The following USH2A variants were observed in gnomAD, a reference collection of about 807,000 sequenced individuals.
The protein encoded by USH2A is usherin.
USH2A carries 443 observed loss-of-function variants against 538.9 expected under a neutral mutation model. The ratio of observed to expected loss-of-function variants is 0.82; its 90% CI spans 0.76 to 0.89. USH2A has a LOEUF of 0.89. Ranked by LOEUF, USH2A falls within the 40% of genes least tolerant of loss-of-function variation. The pLI is 0.00. For missense variants in USH2A, 6,633 were observed against 6,324.8 expected (o/e 1.05, Z -1.65); for synonymous variants, 2,413 against 2,273.5 (o/e 1.06, Z -1.75).
chr1:215,881,767 C>T (rs1442218759), intron 41 of USH2A, among the ~76,000 whole-genome samples: 1 of 152,130 alleles, frequency 6.6e-6, no homozygotes, highest in African/African-American at 2.4e-5. Context: ...TCAGAGATGG[C>T]TTTCCTATCA....
chr1:216,000,822 G>T (rs192497398), intron 32 of USH2A, among the ~76,000 whole-genome samples: 1 of 152,050 alleles, frequency 6.6e-6, no homozygotes, highest in Non-Finnish European at 1.5e-5. Flanking sequence ...TTTCTTGAAC[G>T]TCTGTGACCA....
chr1:215,681,330 CG>C (rs1472509693), intron 61 of USH2A, among the ~76,000 whole-genome samples: 1 of 88,288 alleles, frequency 1.1e-5, no homozygotes, highest in African/African-American at 3.5e-5. Flanking sequence ...CACACACACA[CG>C]AACACACACA....
rs1178385475 is a variant in USH2A at position 216,385,089 on chromosome 1, TTGCAAAAATTGA to T, written c.652-20016_652-20005del. On this transcript the variant is annotated intron_variant, in intron 3 of 71. Transcript: ENST00000307340. ...GCAGCTGCAAAAATTGATGCAAGGT[TTGCAAAAATTGA>T]TGCAAAAATTGAAGAAAGGTACACA... Among the ~76,000 whole-genome samples the T allele has an allele frequency of 8.5e-5, 13 of 152,258 alleles. No individual in the cohort carries two copies. In the South Asian group the frequency reaches 2.1e-3, roughly 24 times the overall value.
intron 20 of USH2A, among the ~76,000 whole-genome samples, chr1:216,188,054 A>T (rs2034642915): frequency 1.3e-5 from 2 of 152,008 alleles, no homozygotes; most frequent in Admixed American, 1.3e-4. Context: ...GATAAAAAAA[A>T]TAGAGAGAGG....
intron 32 of USH2A, among the ~76,000 whole-genome samples, chr1:216,005,993 GCCC>G (rs1259505598): frequency 2.0e-5 from 3 of 152,156 alleles, no homozygotes; most frequent in African/African-American, 7.2e-5. Context: ...GTTAACGCAT[GCCC>G]CCATCACATC....
chr1:215,993,509 AAC>A (rs66804361), intron 34 of USH2A, among the ~76,000 whole-genome samples: 40,630 of 146,164 alleles, frequency 0.28, 5,521 homozygotes, highest in South Asian at 0.44. Flanking sequence ...GAGTGAATTA[AAC>A]ACACACACAC....
intron 29 of USH2A, among the ~76,000 whole-genome samples, chr1:216,071,192 C>T (rs1009870460): frequency 1.1e-4 from 16 of 152,240 alleles, no homozygotes; most frequent in Admixed American, 9.8e-4. Flanking sequence ...TGGAGGATCA[C>T]TCTGGTTTTT....
At chr1:216,388,766 T>C (rs1248247460) in intron 3 of USH2A, among the ~76,000 whole-genome samples, 1 of 152,210 alleles carries the variant, frequency 6.6e-6, no homozygotes, top group African/African-American at 2.4e-5. Context: ...CAATAGCAAC[T>C]TCTAAGCTGC....
chr1:216,099,694 T>G, intron 21 of USH2A, among the ~76,000 whole-genome samples: 1 of 152,118 alleles, frequency 6.6e-6, no homozygotes, highest in East Asian at 1.9e-4. Context: ...CATTAAGACA[T>G]ATTGATATGA....
intron 21 of USH2A, among the ~76,000 whole-genome samples, chr1:216,153,074 C>T (rs1189245635): frequency 6.6e-6 from 1 of 152,164 alleles, no homozygotes; most frequent in African/African-American, 2.4e-5. Context: ...CTTCCCACTC[C>T]ATCCCCTTTC....
chr1:215,922,013 A>C (rs964290159), intron 38 of USH2A, among the ~76,000 whole-genome samples: 1 of 152,082 alleles, frequency 6.6e-6, no homozygotes. Flanking sequence ...TGTGTTTGTG[A>C]ACTCCTAGAA....
intron 61 of USH2A, among the ~76,000 whole-genome samples, chr1:215,712,027 C>T (rs1055265210): frequency 3.4e-4 from 52 of 152,128 alleles, no homozygotes; most frequent in Admixed American, 1.3e-4. Context: ...AATTATTGCT[C>T]TGTTAAAAAC....
At chr1:215,679,683 C>T (rs1178517319) in intron 62 of USH2A, among the ~76,000 whole-genome samples, 1 of 152,208 alleles carries the variant, frequency 6.6e-6, no homozygotes, top group Admixed American at 6.5e-5. Flanking sequence ...TAGCAGACAC[C>T]TGTGGCTTGC....
intron 47 of USH2A, among the ~76,000 whole-genome samples, chr1:215,830,343 C>T (rs2102808670): frequency 6.6e-6 from 1 of 152,322 alleles, no homozygotes; most frequent in African/African-American, 2.4e-5. Flanking sequence ...ACTGCGGCAG[C>T]TGTGGCCAAA....
intron 30 of USH2A, among the ~76,000 whole-genome samples, chr1:216,060,599 A>G (rs1355825752): frequency 6.6e-6 from 1 of 152,242 alleles, no homozygotes. Context: ...ACTATTATTT[A>G]TCATTTTACC....
At chr1:216,275,150 T>G (rs572410689) in intron 11 of USH2A, among the ~76,000 whole-genome samples, 1 of 151,568 alleles carries the variant, frequency 6.6e-6, no homozygotes, top group Non-Finnish European at 1.5e-5. Context: ...CTCTCTCTCT[T>G]TTTTTTTGGA....
chr1:216,272,485 G>A (rs1454721818), intron 11 of USH2A, among the ~76,000 whole-genome samples: 2 of 151,990 alleles, frequency 1.3e-5, no homozygotes, highest in Non-Finnish European at 2.9e-5. Context: ...ATCCACTCAT[G>A]TTTTATTAAT....
intron 56 of USH2A, among the ~76,000 whole-genome samples, chr1:215,762,700 C>G (rs1661013983): frequency 6.6e-6 from 1 of 152,116 alleles, no homozygotes; most frequent in African/African-American, 2.4e-5. Context: ...AATTTGTCCC[C>G]TTCACCATGT....
chr1:216,384,039 A>G (rs2038963636), intron 3 of USH2A, among the ~76,000 whole-genome samples: 1 of 151,494 alleles, frequency 6.6e-6, no homozygotes, highest in Admixed American at 6.6e-5. Flanking sequence ...AAAATTTATT[A>G]TTTTTACCTA....
Sources: allele counts gnomAD v4.1 joint callset (sites outside exome capture counted in the v4.1 genomes callset), GRCh38; gene constraint gnomAD v4.1.1; transcripts MANE v1.5; gene names NCBI Gene and HGNC (gene_info 2026-07-23, HGNC 2026-07-21).